Variants in GRID2 observed in about 807,000 individuals in gnomAD.
GRID2 encodes the protein glutamate receptor ionotropic, delta-2.
A neutral mutation model predicts 114.8 loss-of-function variants in GRID2; 33 were observed. The ratio of observed to expected loss-of-function variants is 0.29; its 90% CI spans 0.22 to 0.38. GRID2 has a LOEUF of 0.38. Ranked by LOEUF, GRID2 falls within the 10% of genes least tolerant of loss-of-function variation. GRID2 has a pLI of 1.00. For synonymous variants in GRID2, 505 were observed against 449.9 expected, an observed-to-expected ratio of 1.12 and a Z score of -1.55; for missense variants, 1,184 against 1,257.7, an observed-to-expected ratio of 0.94 and a Z score of 0.89.
chr4:93,082,776 A>G lies in GRID2; in HGVS notation c.245-2219A>G, dbSNP rs184419126. 2.6e-5 allele frequency among the ~76,000 whole-genome samples: 4 copies of G among 152,352 alleles called. No homozygotes were observed. In the East Asian group the frequency reaches 5.8e-4, roughly 22 times the overall value. Reference sequence around the variant, plus strand: ...GATAGGCAATACCAAACAGTAATCCAAAAACAAAGTTTTTGTATACAAAAT... The same window carrying G: ...GATAGGCAATACCAAACAGTAATCCGAAAACAAAGTTTTTGTATACAAAAT... On this transcript the variant is annotated intron_variant, in intron 2 of 15. Coordinates refer to ENST00000282020, the MANE Select transcript of GRID2 (RefSeq NM_001510.4).
At chr4:93,688,366 GAATT>G (rs1286743986) in intron 14 of GRID2, among the ~76,000 whole-genome samples, 5 of 151,900 alleles carry the variant, frequency 3.3e-5, no homozygotes, top group African/African-American at 1.2e-4. Context: ...ATGCTTGCTA[GAATT>G]AATTAACAAT....
chr4:93,211,863 G>A (rs1379182662), intron 5 of GRID2, among the ~76,000 whole-genome samples: 1 of 152,012 alleles, frequency 6.6e-6, no homozygotes, highest in East Asian at 1.9e-4. Context: ...AACCATTATT[G>A]GCTGGTATAT....
chr4:93,804,001 GA>G (rs567902445), intron 1 of GRID2, among the ~76,000 whole-genome samples: 64 of 152,126 alleles, frequency 4.2e-4, no homozygotes, highest in African/African-American at 1.2e-3. Flanking sequence ...GGGAGAAAAG[GA>G]AAAAAAGCAC....
At chr4:93,388,476 A>G (rs1560569485) in intron 8 of GRID2, among the ~76,000 whole-genome samples, 1 of 152,158 alleles carries the variant, frequency 6.6e-6, no homozygotes, top group Non-Finnish European at 1.5e-5. Context: ...AACAATGTTT[A>G]AATTTTCAAG....
intron 14 of GRID2, among the ~76,000 whole-genome samples, chr4:93,659,171 A>G (rs1443122846): frequency 1.3e-5 from 2 of 152,158 alleles, no homozygotes; most frequent in African/African-American, 4.8e-5. Context: ...GGCAAAAAAA[A>G]AAAGTGCCAA....
At chr4:93,597,494 TG>T (rs529856661) in intron 13 of GRID2, among the ~76,000 whole-genome samples, 112 of 152,324 alleles carry the variant, frequency 7.4e-4, no homozygotes, top group Admixed American at 1.3e-3. Flanking sequence ...TGTATGAGAT[TG>T]TTTTGCCTGA....
intron 2 of GRID2, among the ~76,000 whole-genome samples, chr4:92,749,150 T>G (rs1224286055): frequency 6.7e-6 from 1 of 148,700 alleles, no homozygotes; most frequent in Non-Finnish European, 1.5e-5. Context: ...CGCACCACCA[T>G]GCACCATCAG....
chr4:93,805,458 A>G (rs1383794654), intron 1 of GRID2, among the ~76,000 whole-genome samples: 1 of 152,238 alleles, frequency 6.6e-6, no homozygotes, highest in African/African-American at 2.4e-5. Flanking sequence ...TTCTACACTT[A>G]GTTCAGTCAA....
At chr4:92,699,805 T>C (rs1271257087) in intron 2 of GRID2, among the ~76,000 whole-genome samples, 2 of 152,212 alleles carry the variant, frequency 1.3e-5, no homozygotes, top group Non-Finnish European at 2.9e-5. Flanking sequence ...ATTATTATAT[T>C]GCCATATTAT....
At chr4:93,150,370 A>G (rs1736626710) in intron 4 of GRID2, among the ~76,000 whole-genome samples, 1 of 152,204 alleles carries the variant, frequency 6.6e-6, no homozygotes, top group Admixed American at 6.5e-5. Flanking sequence ...ACATAAATAC[A>G]CAAAACACAG....
At chr4:92,345,280 G>A (rs1446674012) in intron 1 of GRID2, among the ~76,000 whole-genome samples, 1 of 152,158 alleles carries the variant, frequency 6.6e-6, no homozygotes, top group Non-Finnish European at 1.5e-5. Flanking sequence ...TGCTACAAAA[G>A]AAATTATTTC....
chr4:93,343,697 G>A (rs1039294970), intron 8 of GRID2, among the ~76,000 whole-genome samples: 1 of 151,924 alleles, frequency 6.6e-6, no homozygotes, highest in Non-Finnish European at 1.5e-5. Flanking sequence ...TAAATGTTTG[G>A]TAGATTTGGG....
In GRID2 at chr4:93,318,671, A is replaced by G. The variant is rs77097581; in HGVS notation, c.1246-76936A>G. Reference sequence around the variant, plus strand: ...TTGAGATATAATTCAAGAGCATACCACTCATCCATTTAAAGTATGTTTCAA... The same window carrying G: ...TTGAGATATAATTCAAGAGCATACCGCTCATCCATTTAAAGTATGTTTCAA... On this transcript the variant is annotated intron_variant, in intron 8 of 15. Coordinates refer to ENST00000282020, the MANE Select transcript of GRID2 (RefSeq NM_001510.4). The G allele has an allele frequency of 2.8e-3, 425 of 152,198 alleles. 1 individual carries two copies. The highest frequency in any genetic ancestry group is 9.8e-3 in the African/African-American group (409 of 41,530). 9.4% of individuals were successfully genotyped at this position (152,198 alleles called of 1,614,324 possible). A position where few individuals can be genotyped will look rare whatever the true frequency, so the allele number is the denominator to read the frequency against.
At chr4:92,955,001 A>C (rs368284795) in intron 2 of GRID2, among the ~76,000 whole-genome samples, 1,479 of 111,054 alleles carry the variant, frequency 0.013, 11 homozygotes, top group East Asian at 0.044. Flanking sequence ...ACATTTTCTT[A>C]ATCCAGTCTA....
At position 93,411,575 on chromosome 4, in the gene GRID2, C is replaced by T. The variant is rs552354820; in HGVS notation, c.1348-11196C>T. 2.0e-5 allele frequency among the ~76,000 whole-genome samples: 3 copies of T among 152,080 alleles called. No individual in the cohort carries two copies. The South Asian group carries it at 6.2e-4, about 32-fold the overall frequency. On this transcript the variant is annotated intron_variant, in intron 9 of 15. Transcript: ENST00000282020. ...TCAGCCTCCAGAGTAGCTGGGACTA[C>T]AGGTGCATGCCACTACACCTGGCTA...
At chr4:92,859,630 A>C (rs1329229089) in intron 2 of GRID2, among the ~76,000 whole-genome samples, 1 of 152,214 alleles carries the variant, frequency 6.6e-6, no homozygotes, top group Non-Finnish European at 1.5e-5. Context: ...GTAAAAATTC[A>C]AACAATTCTA....
chr4:93,194,188 C>G (rs563723408), intron 4 of GRID2, among the ~76,000 whole-genome samples: 2 of 152,186 alleles, frequency 1.3e-5, no homozygotes, highest in African/African-American at 4.8e-5. Context: ...CTGATCTTAT[C>G]ACTTGAGATG....
chr4:92,389,771 C>A (rs1730153404), intron 1 of GRID2, among the ~76,000 whole-genome samples: 1 of 151,956 alleles, frequency 6.6e-6, no homozygotes, highest in South Asian at 2.1e-4. Flanking sequence ...ACTCAGATAA[C>A]CCTGTGTTAT....
intron 14 of GRID2, among the ~76,000 whole-genome samples, chr4:93,657,944 A>C (rs1723163226): frequency 6.6e-6 from 1 of 152,210 alleles, no homozygotes; most frequent in Admixed American, 6.5e-5. Flanking sequence ...CTTCATTTGT[A>C]CTGAGTCAGT....
Sources: allele counts gnomAD v4.1 joint callset (sites outside exome capture counted in the v4.1 genomes callset), GRCh38; gene constraint gnomAD v4.1.1; transcripts MANE v1.5; gene names NCBI Gene and HGNC (gene_info 2026-07-23, HGNC 2026-07-21).